The following RAB20 variants were observed in gnomAD, a reference collection of about 807,000 sequenced individuals.
RAB20 encodes the protein ras-related protein Rab-20.
Under a neutral mutation model 3.7 loss-of-function variants are expected in RAB20, and 2 were observed. The observed-to-expected ratio is 0.54, with a 90% confidence interval of 0.22 to 1.69. The LOEUF (loss-of-function observed/expected upper bound fraction) is 1.69, where lower values mean the gene tolerates loss of function less well. RAB20 is among the 40% of genes most tolerant of loss of function. The probability of loss-of-function intolerance (pLI) is 0.19; values close to 1 mark genes in which losing one functional copy is unlikely to be tolerated. For missense variants in RAB20, 276 were observed against 311.9 expected (o/e 0.88, Z 0.87); for synonymous variants, 126 against 130.8 (o/e 0.96, Z 0.25).
At chr13:110,558,207 C>T (rs1208576576) in intron 1 of RAB20, among the ~76,000 whole-genome samples, 1 of 152,206 alleles carries the variant, frequency 6.6e-6, no homozygotes, top group Non-Finnish European at 1.5e-5. Flanking sequence ...GGGCAACCTC[C>T]TTTTGCTTCC....
intron 1 of RAB20, among the ~76,000 whole-genome samples, chr13:110,549,497 AG>A (rs774028844): frequency 2.0e-5 from 3 of 152,210 alleles, no homozygotes; most frequent in Non-Finnish European, 4.4e-5. Flanking sequence ...TGGGTGCCTT[AG>A]GCCTCAGGAA....
chr13:110,553,266 T>C (rs1402583255), intron 1 of RAB20, among the ~76,000 whole-genome samples: 2 of 152,328 alleles, frequency 1.3e-5, no homozygotes, highest in African/African-American at 4.8e-5. Context: ...TAGGAGCTGG[T>C]GTTCATCTTA....
intron 1 of RAB20, among the ~76,000 whole-genome samples, chr13:110,545,616 A>G (rs1167947314): frequency 1.3e-5 from 2 of 152,160 alleles, no homozygotes; most frequent in African/African-American, 4.8e-5. Flanking sequence ...TTAAAACTAG[A>G]AGGAGCTTGG....
intron 1 of RAB20, among the ~76,000 whole-genome samples, chr13:110,540,723 CGA>C (rs537300291): frequency 2.0e-3 from 288 of 140,604 alleles, no homozygotes; most frequent in African/African-American, 7.1e-3. Flanking sequence ...GCCTGGGCAA[CGA>C]GAGTGAAACT....
intron 1 of RAB20, among the ~76,000 whole-genome samples, chr13:110,546,874 C>A (rs935822517): frequency 6.6e-6 from 1 of 151,978 alleles, no homozygotes; most frequent in African/African-American, 2.4e-5. Flanking sequence ...AGTAGCTGAA[C>A]CTACAGGTGT....
chr13:110,561,658 C>T lies in RAB20; in HGVS notation c.-139G>A. ...GTGAACGCTCCGGGACCTTCGCCTC[C>T]GGACGCCCGGGAGCTCAAGAGAGGA... On this transcript the variant is annotated 5_prime_UTR_variant, in exon 1 of 2. Coordinates refer to ENST00000267328, the MANE Select transcript of RAB20 (RefSeq NM_017817.3). The T allele has an allele frequency of 7.3e-7, 1 of 1,365,706 alleles. No homozygotes were observed. Among genetic ancestry groups the T allele is most frequent in the Non-Finnish European group, 9.5e-7 (1 of 1,050,162 alleles). The allele number at this position is 1,365,706 out of a possible 1,614,324, so 84.6% of individuals were successfully genotyped here.
In RAB20 at chr13:110,561,432, A is replaced by G; in HGVS notation, c.88T>C (p.Phe30Leu). The change falls in exon 1 of 2, where the codon TTC becomes CTC. Residue 30 changes from phenylalanine to leucine, a missense_variant. By Grantham distance (22) the Phe-to-Leu change is conservative. Transcript: ENST00000267328. ...CCCACCGTGCTGACCGTGTCCGGGA[A>G]GCGCCGCTCCATATACCGCTGCAGC... The part of the protein sequence containing the change: ...SLLQRYMERR[F>L]PDTVSTVGGA... 1 of 1,609,644 alleles carries G rather than the reference A, an allele frequency of 6.2e-7. No individual in the cohort carries two copies. Among genetic ancestry groups the G allele is most frequent in the Non-Finnish European group, 8.5e-7 (1 of 1,177,982 alleles).
rs556638454 is a variant in RAB20 at position 110,553,117 on chromosome 13, G to A, written c.172+8231C>T. 3.3e-5 allele frequency among the ~76,000 whole-genome samples: 5 copies of A among 152,354 alleles called. No individual in the cohort carries two copies. In the East Asian group the frequency reaches 9.6e-4, roughly 29 times the overall value. On this transcript the variant is annotated intron_variant, in intron 1 of 1. Transcript: ENST00000267328. The stretch of plus-strand genomic sequence containing the variant: ...AATAAAGCAGAGGGACTCTACAAAT[G>A]AGGCCTTGCACCCAGAAGGCACCTG...
Position 110,523,473 on chromosome 13 carries a change from T to A in RAB20, c.*192A>T. ...CCTGTTTCCCACCTCCCCACCCCTC[T>A]GACAGAGACTGAGGAGACCACACAC... On this transcript the variant is annotated 3_prime_UTR_variant, in exon 2 of 2. Coordinates refer to ENST00000267328, the MANE Select transcript of RAB20 (RefSeq NM_017817.3). 65 of 1,037,392 alleles carry A rather than the reference T, an allele frequency of 6.3e-5. No homozygotes were observed. Among genetic ancestry groups the A allele is most frequent in the Non-Finnish European group, 8.3e-5 (61 of 738,098 alleles). The allele number at this position is 1,037,392 out of a possible 1,614,324, so 64.3% of individuals were successfully genotyped here.
In RAB20 at chr13:110,561,698, C is replaced by A; in HGVS notation, c.-179G>T. ...TCAAGAGAGGAAGCGCGTGTGCGCG[C>A]CCGGGAAGGAGCTGGGTGCAGAGCA... On this transcript the variant is annotated 5_prime_UTR_variant, in exon 1 of 2. Transcript: ENST00000267328. 2 of 1,154,756 alleles carry A rather than the reference C, an allele frequency of 1.7e-6. No individual in the cohort carries two copies. Among genetic ancestry groups the A allele is most frequent in the Non-Finnish European group, 2.3e-6 (2 of 886,234 alleles). The allele number at this position is 1,154,756 out of a possible 1,614,324, so 71.5% of individuals were successfully genotyped here.
Position 110,561,685 on chromosome 13 carries a change from G to T in RAB20, c.-166C>A. 8.2e-7 allele frequency: 1 copy of T among 1,215,884 alleles called. No homozygotes were observed. The highest frequency in any genetic ancestry group is 1.1e-6 in the Non-Finnish European group (1 of 935,190). 75.3% of individuals were successfully genotyped at this position (1,215,884 alleles called of 1,614,324 possible). ...GACGCCCGGGAGCTCAAGAGAGGAA[G>T]CGCGTGTGCGCGCCCGGGAAGGAGC... On this transcript the variant is annotated 5_prime_UTR_variant, in exon 1 of 2. Coordinates refer to ENST00000267328, the MANE Select transcript of RAB20 (RefSeq NM_017817.3).
chr13:110,549,000 T>A (rs191293252), intron 1 of RAB20, among the ~76,000 whole-genome samples: 1 of 152,288 alleles, frequency 6.6e-6, no homozygotes, highest in East Asian at 1.9e-4. Context: ...AACATGTGTG[T>A]GATGATTCCA....
intron 1 of RAB20, among the ~76,000 whole-genome samples, chr13:110,538,597 C>CAAAAAA (rs67409356): frequency 5.7e-5 from 4 of 70,624 alleles, no homozygotes; most frequent in Admixed American, 1.8e-4. Flanking sequence ...GATCTTCTCT[C>CAAAAAA]AAAAAAAAAA....
chr13:110,543,394 A>C (rs1029331884), intron 1 of RAB20, among the ~76,000 whole-genome samples: 3 of 152,090 alleles, frequency 2.0e-5, no homozygotes, highest in Non-Finnish European at 4.4e-5. Context: ...CGGCCTCCCA[A>C]AGTGCTGGGA....
intron 1 of RAB20, among the ~76,000 whole-genome samples, chr13:110,536,395 C>T (rs1884639647): frequency 6.6e-6 from 1 of 152,168 alleles, no homozygotes; most frequent in South Asian, 2.1e-4. Context: ...TAGACAGGCA[C>T]CGAAAGTCAG....
intron 1 of RAB20, among the ~76,000 whole-genome samples, chr13:110,549,581 G>A (rs530899332): frequency 6.6e-6 from 1 of 152,198 alleles, no homozygotes; most frequent in Non-Finnish European, 1.5e-5. Context: ...CTGATTGTGG[G>A]TCATTAGACC....
At chr13:110,531,035 CTGCATTAGCTA>C (rs1303610963) in intron 1 of RAB20, among the ~76,000 whole-genome samples, 2 of 152,254 alleles carry the variant, frequency 1.3e-5, no homozygotes, top group Non-Finnish European at 2.9e-5. Context: ...ATAGGAAGCG[CTGCATTAGCTA>C]TGGGAAGAAG....
chr13:110,529,188 G>C (rs1884486001), intron 1 of RAB20, among the ~76,000 whole-genome samples: 1 of 152,228 alleles, frequency 6.6e-6, no homozygotes, highest in Non-Finnish European at 1.5e-5. Context: ...TTGACCTTTT[G>C]CACTTGGCTT....
chr13:110,554,391 T>C (rs569881447), intron 1 of RAB20, among the ~76,000 whole-genome samples: 1 of 152,226 alleles, frequency 6.6e-6, no homozygotes, highest in South Asian at 2.1e-4. Context: ...GTCATGTGGC[T>C]GGGGGCTGAG....
Sources: gnomAD v4.1 joint callset for allele counts (sites outside exome capture counted in the v4.1 genomes callset) on GRCh38, gnomAD v4.1.1 for gene constraint, MANE v1.5 for transcripts, NCBI Gene and HGNC (gene_info 2026-07-23, HGNC 2026-07-21) for gene names.